ATP10D: variants seen among roughly 807,000 people sequenced by gnomAD.
ATP10D encodes the protein ATPase phospholipid transporting 10D (putative).
In ATP10D, 89 loss-of-function variants were observed where a neutral mutation model predicts 144.8. The ratio of observed to expected loss-of-function variants is 0.61; its 90% CI spans 0.52 to 0.73. The LOEUF is 0.73. ATP10D is among the 30% of genes least tolerant of loss of function. ATP10D has a pLI of 0.00. For missense variants in ATP10D, 1,603 were observed against 1,714.8 expected (o/e 0.93, Z 1.15); for synonymous variants, 571 against 615.1 (o/e 0.93, Z 1.06).
rs554858774 is a variant in ATP10D at position 47,523,228 on chromosome 4, G to A, written c.690+12G>A. On this transcript the variant is annotated intron_variant, in intron 4 of 22. Coordinates refer to ENST00000273859, the MANE Select transcript of ATP10D (RefSeq NM_020453.4). ...GATATGCAGAACAGGTAAGTCATAT[G>A]TTCTCAGTTAGTGGCTTATTAACAT... 1,750 of 1,610,022 alleles carry A rather than the reference G, an allele frequency of 1.1e-3. 41 individuals carry two copies. In the South Asian group the frequency reaches 0.018, roughly 17 times the overall value.
At chr4:47,508,308 T>C (rs1471608016) in intron 1 of ATP10D, among the ~76,000 whole-genome samples, 1 of 152,232 alleles carries the variant, frequency 6.6e-6, no homozygotes, top group African/African-American at 2.4e-5. Context: ...AATAGGTACA[T>C]TGAACTGAGC....
rs979059225 is a variant in ATP10D, at chr4:47,593,389, C to G, written c.*2008C>G. The G allele has an allele frequency of 6.6e-6, 1 of 152,014 alleles. No individual in the cohort carries two copies. Among genetic ancestry groups the G allele is most frequent in the African/African-American group, 2.4e-5 (1 of 41,412 alleles). 9.4% of individuals were successfully genotyped at this position (152,014 alleles called of 1,614,324 possible). A position where few individuals can be genotyped will look rare whatever the true frequency, so the allele number is the denominator to read the frequency against. ...TTAATGTAATCATTCATATACTTTG[C>G]TACAAAAATATTAATATATTTCATT... On this transcript the variant is annotated 3_prime_UTR_variant, in exon 23 of 23. Transcript: ENST00000273859.
chr4:47,515,185 T>A lies in ATP10D; in HGVS notation c.291-291T>A, dbSNP rs539865912. 3.3e-5 allele frequency among the ~76,000 whole-genome samples: 5 copies of A among 152,178 alleles called. No individual in the cohort carries two copies. In the South Asian group the frequency reaches 1.0e-3, roughly 32 times the overall value. On this transcript the variant is annotated intron_variant, in intron 2 of 22. Coordinates refer to ENST00000273859, the MANE Select transcript of ATP10D (RefSeq NM_020453.4). ...CGTGTTGCCCAGGCTAGTCTCGAAC[T>A]CCTGACCTCAAGTGATCTGCCCGCC... is the stretch of plus-strand genomic sequence containing the variant.
chr4:47,554,761 C>T lies in ATP10D; in HGVS notation c.1671C>T (p.Asp557=), dbSNP rs148766540. Residue 557 remains aspartate (D), a synonymous_variant, in exon 11 of 23, where the codon GAC becomes GAT. Coordinates refer to ENST00000273859, the MANE Select transcript of ATP10D (RefSeq NM_020453.4). The part of the protein sequence containing the change: ...TDVVPDTRLL[D]KFSQITPRLF... The stretch of plus-strand genomic sequence containing the variant: ...TGGTACCAGACACCAGGCTTTTAGA[C>T]AAATTTAGTCAGATTACACCTCGGC... 1.9e-5 allele frequency: 31 copies of T among 1,613,092 alleles called. No homozygotes were observed. The highest frequency in any genetic ancestry group is 6.7e-5 in the Admixed American group (4 of 59,928).
intron 5 of ATP10D, among the ~76,000 whole-genome samples, chr4:47,530,575 C>A (rs1717515490): frequency 6.6e-6 from 1 of 152,228 alleles, no homozygotes; most frequent in South Asian, 2.1e-4. Flanking sequence ...TGTGCCTCAG[C>A]CTCCTGAGTA....
At position 47,572,163 on chromosome 4, in the gene ATP10D, C is replaced by T. The variant is rs775477328; in HGVS notation, c.3173C>T (p.Ala1058Val). The change falls in exon 17 of 23, where the codon GCC becomes GTC. Residue 1058 changes from alanine to valine, a missense_variant. Physicochemically the swap from Ala to Val is moderately conservative, Grantham distance 64. Coordinates refer to ENST00000273859, the MANE Select transcript of ATP10D (RefSeq NM_020453.4). ...QVMTLAIGDG[A>V]NDVSMIQVAD... ...TTTCTGCCTCATGAAGGTGATGGTG[C>T]CAATGATGTTAGCATGATACAAGTG... 6.2e-7 allele frequency: 1 copy of T among 1,613,660 alleles called. No homozygotes were observed.
At chr4:47,508,970 T>G (rs1161996169) in intron 1 of ATP10D, among the ~76,000 whole-genome samples, 1 of 152,222 alleles carries the variant, frequency 6.6e-6, no homozygotes, top group Non-Finnish European at 1.5e-5. Context: ...CTGATTTGCT[T>G]TCCTATCATA....
chr4:47,543,937 A>G (rs940071290), intron 9 of ATP10D, among the ~76,000 whole-genome samples: 2 of 152,192 alleles, frequency 1.3e-5, no homozygotes, highest in Non-Finnish European at 2.9e-5. Flanking sequence ...GGGATATTTC[A>G]TTGACATGTC....
At chr4:47,515,735 C>T (rs897689594) in intron 3 of ATP10D, 65 bp downstream of exon 3, 9 of 1,310,672 alleles carry the variant, frequency 6.9e-6, no homozygotes, top group Middle Eastern at 4.6e-4. Flanking sequence ...CAGAATGTTA[C>T]TTTTTTCTCC....
At chr4:47,527,460 T>A (rs1360384685) in intron 5 of ATP10D, among the ~76,000 whole-genome samples, 1 of 152,100 alleles carries the variant, frequency 6.6e-6, no homozygotes, top group Admixed American at 6.6e-5. Context: ...TCATCAAAAT[T>A]TAAAATTTTG....
At chr4:47,535,823 C>A in intron 6 of ATP10D, 79 bp from the exon 7 acceptor site, 1 of 1,479,634 alleles carries the variant, frequency 6.8e-7, no homozygotes, top group Non-Finnish European at 9.1e-7. Flanking sequence ...AAATTGTCTG[C>A]AAGAGAGATT....
At chr4:47,547,089 T>TAA in intron 10 of ATP10D, 1 of 500,718 alleles carries the variant, frequency 2.0e-6, no homozygotes, top group Non-Finnish European at 3.5e-6. Context: ...ATACCATTTC[T>TAA]GAAAAAAAAA....
At chr4:47,534,126 A>G (rs991760593) in intron 5 of ATP10D, among the ~76,000 whole-genome samples, 1 of 152,150 alleles carries the variant, frequency 6.6e-6, no homozygotes, top group African/African-American at 2.4e-5. Context: ...CATTGAGCTT[A>G]CAGAATTGAT....
chr4:47,528,865 G>A (rs528798782), intron 5 of ATP10D, among the ~76,000 whole-genome samples: 4 of 152,138 alleles, frequency 2.6e-5, no homozygotes, highest in Non-Finnish European at 5.9e-5. Context: ...GGTGTGAGAT[G>A]GTATCTCATT....
At chr4:47,539,836 A>G (rs1277610756) in intron 9 of ATP10D, among the ~76,000 whole-genome samples, 3 of 152,214 alleles carry the variant, frequency 2.0e-5, no homozygotes, top group Admixed American at 2.0e-4. Flanking sequence ...CATTTCAAAG[A>G]GCTAATACTA....
At position 47,558,107 on chromosome 4, in the gene ATP10D, T is replaced by C. The variant is rs1288441836; in HGVS notation, c.2268T>C (p.Phe756=). 6.2e-7 allele frequency: 1 copy of C among 1,614,084 alleles called. No individual in the cohort carries two copies. The highest frequency in any genetic ancestry group is 1.3e-5 in the African/African-American group (1 of 74,934). The change falls in exon 12 of 23, where the codon TTT becomes TTC. Residue 756 remains phenylalanine (F), a synonymous_variant. Transcript: ENST00000273859. Reference sequence around the variant, plus strand: ...CACCAGAGCAGGTCATGGTGGACTTTGCTGCTTTGGGACCATTAACATTTC... The same window carrying C: ...CACCAGAGCAGGTCATGGTGGACTTCGCTGCTTTGGGACCATTAACATTTC... The part of the protein sequence containing the change: ...SRTPEQVMVD[F]AALGPLTFQL...
At position 47,557,769 on chromosome 4, in the gene ATP10D, A is replaced by G; in HGVS notation, c.1930A>G (p.Ser644Gly). 1 of 1,614,234 alleles carries G rather than the reference A, an allele frequency of 6.2e-7. No individual in the cohort carries two copies. Among genetic ancestry groups the G allele is most frequent in the Non-Finnish European group, 8.5e-7 (1 of 1,180,040 alleles). Residue 644 changes from serine (S) to glycine (G), a missense_variant, in exon 12 of 23, where the codon AGT becomes GGT. Transcript: ENST00000273859. ...VRRSSSPSLN[S>G]GKEPSSGVPN... The stretch of plus-strand genomic sequence containing the variant: ...AAGATCAAGTTCTCCATCGCTTAAC[A>G]GTGGGAAAGAGCCATCTTCTGGAGT...
In ATP10D at chr4:47,576,651, C is replaced by T. The variant is rs550560855; in HGVS notation, c.3367-122C>T. ...GCTGCAAGGTAAATTGTGGTCCTAT[C>T]TTATATAAGAAAACTACAGAGAGGC... On this transcript the variant is annotated intron_variant, in intron 18 of 22. Coordinates refer to ENST00000273859, the MANE Select transcript of ATP10D (RefSeq NM_020453.4). The T allele has an allele frequency of 9.3e-6, 8 of 863,510 alleles. No homozygotes were observed. The East Asian group carries it at 1.7e-4, about 18-fold the overall frequency. 53.5% of individuals were successfully genotyped at this position (863,510 alleles called of 1,614,324 possible).
intron 15 of ATP10D, 100 bp downstream of exon 15, chr4:47,563,865 A>C: frequency 8.9e-7 from 1 of 1,121,404 alleles, no homozygotes; most frequent in Non-Finnish European, 1.2e-6. Context: ...ACAAAACAGC[A>C]ACCGTTAGCT....
Sources: allele counts gnomAD v4.1 joint callset (sites outside exome capture counted in the v4.1 genomes callset), GRCh38; gene constraint gnomAD v4.1.1; transcripts MANE v1.5; gene names NCBI Gene and HGNC (gene_info 2026-07-23, HGNC 2026-07-21).